Variants in PARD3B observed in about 807,000 individuals in gnomAD.
PARD3B encodes the protein par-3 family cell polarity regulator beta.
A neutral mutation model predicts 130.2 loss-of-function variants in PARD3B; 103 were observed. The observed-to-expected ratio is 0.79, with a 90% CI of 0.67 to 0.93. The LOEUF (loss-of-function observed/expected upper bound fraction) is 0.93. Ranked by LOEUF, PARD3B falls within the 40% of genes least tolerant of loss-of-function variation. The probability of loss-of-function intolerance (pLI) is 0.00; values close to 1 mark genes in which losing one functional copy is unlikely to be tolerated. For synonymous variants in PARD3B, 583 were observed against 553.2 expected (o/e 1.05, Z -0.76); for missense variants, 1,609 against 1,499.2 (o/e 1.07, Z -1.21).
chr2:205,336,141 A>T (rs1216129740), intron 18 of PARD3B, among the ~76,000 whole-genome samples: 1 of 152,182 alleles, frequency 6.6e-6, no homozygotes, highest in Non-Finnish European at 1.5e-5. Flanking sequence ...GGTGTGAGCC[A>T]CCGCATCCAG....
chr2:204,621,255 A>G (rs2034292268), intron 1 of PARD3B, among the ~76,000 whole-genome samples: 1 of 152,228 alleles, frequency 6.6e-6, no homozygotes. Context: ...TAGGACGACA[A>G]AACTTCTAAC....
chr2:205,213,054 A>G (rs2037728797), intron 15 of PARD3B, among the ~76,000 whole-genome samples: 1 of 152,076 alleles, frequency 6.6e-6, no homozygotes, highest in Non-Finnish European at 1.5e-5. Context: ...GGCACATTTA[A>G]CTTTGATGGT....
At chr2:205,605,630 T>C (rs1269021921) in intron 22 of PARD3B, among the ~76,000 whole-genome samples, 2 of 152,078 alleles carry the variant, frequency 1.3e-5, no homozygotes. Flanking sequence ...TCCTGTAGGA[T>C]CTCTGTCCCA....
intron 11 of PARD3B, among the ~76,000 whole-genome samples, chr2:205,169,433 A>T (rs937156603): frequency 6.6e-6 from 1 of 152,186 alleles, no homozygotes; most frequent in Non-Finnish European, 1.5e-5. Flanking sequence ...AAAAATAAAA[A>T]GTTTGTGCTT....
At chr2:205,020,535 G>GA (rs1224598525) in intron 3 of PARD3B, among the ~76,000 whole-genome samples, 4 of 151,922 alleles carry the variant, frequency 2.6e-5, no homozygotes, top group Non-Finnish European at 4.4e-5. Flanking sequence ...CTGGCTTTGG[G>GA]AAAAAATACC....
chr2:205,127,444 T>C (rs1405967626), intron 10 of PARD3B, among the ~76,000 whole-genome samples: 2 of 152,216 alleles, frequency 1.3e-5, no homozygotes. Context: ...AAGGCACATG[T>C]AGGTTCCCAG....
At position 205,183,272 on chromosome 2, in the gene PARD3B, T is replaced by C. The variant is rs1559518505; in HGVS notation, c.1925-2492T>C. Among the ~76,000 whole-genome samples the C allele has an allele frequency of 6.6e-6, 1 of 152,174 alleles. No homozygotes were observed. Among genetic ancestry groups the C allele is most frequent in the Non-Finnish European group, 1.5e-5 (1 of 68,026 alleles). ...TGTTTGCCAGGATCATAGACCTTTA[T>C]TCCGTAGGCAATGTGTGCAGCTGAA... is the stretch of plus-strand genomic sequence containing the variant. On this transcript the variant is annotated intron_variant, in intron 13 of 22. Coordinates refer to ENST00000406610, the MANE Select transcript of PARD3B (RefSeq NM_001302769.2). This position sits in a 1 kb window ranked among gnomAD's most constrained non-coding sequence, Gnocchi z 5.2.
intron 2 of PARD3B, among the ~76,000 whole-genome samples, chr2:204,838,349 A>ATGTG (rs55688873): frequency 0.057 from 7,771 of 135,292 alleles, 287 homozygotes; most frequent in African/African-American, 0.1. Context: ...TACCTGGCTA[A>ATGTG]TGTGTGTGTG....
chr2:204,602,334 A>T (rs2033544854), intron 1 of PARD3B, among the ~76,000 whole-genome samples: 1 of 151,892 alleles, frequency 6.6e-6, no homozygotes, highest in African/African-American at 2.4e-5. Flanking sequence ...ATTTTATTTG[A>T]CCGTCTTTTA....
intron 18 of PARD3B, among the ~76,000 whole-genome samples, chr2:205,399,308 G>GT (rs543864148): frequency 6.6e-5 from 10 of 150,592 alleles, no homozygotes; most frequent in South Asian, 4.2e-4. Context: ...ATCTCCCCAA[G>GT]TTTTTTTTGT....
At chr2:204,655,812 G>A (rs933564743) in intron 1 of PARD3B, among the ~76,000 whole-genome samples, 1 of 152,076 alleles carries the variant, frequency 6.6e-6, no homozygotes, top group East Asian at 1.9e-4. Context: ...CTGCAAGTCC[G>A]TGGGTCAGCT....
At chr2:205,521,306 T>A (rs1048174689) in intron 21 of PARD3B, among the ~76,000 whole-genome samples, 30 of 152,050 alleles carry the variant, frequency 2.0e-4, no homozygotes, top group Non-Finnish European at 5.9e-5. Context: ...TTTTTATGAA[T>A]TTTTTATTTT....
At chr2:204,811,755 A>G (rs908531885) in intron 2 of PARD3B, among the ~76,000 whole-genome samples, 9 of 152,144 alleles carry the variant, frequency 5.9e-5, no homozygotes, top group Non-Finnish European at 1.3e-4. Context: ...GTCAATCTCT[A>G]AAGCTTTAGC....
At chr2:204,843,081 G>A (rs1341627782) in intron 2 of PARD3B, among the ~76,000 whole-genome samples, 2 of 151,994 alleles carry the variant, frequency 1.3e-5, no homozygotes, top group South Asian at 2.1e-4. Context: ...GCTGAGCCCC[G>A]AGGATCTGTA....
chr2:204,650,996 A>G (rs1457201076), intron 1 of PARD3B, among the ~76,000 whole-genome samples: 8 of 152,152 alleles, frequency 5.3e-5, no homozygotes, highest in African/African-American at 1.2e-4. Context: ...GTCCACCTCT[A>G]TGATTCAGTC....
chr2:205,146,142 T>G lies in PARD3B; in HGVS notation c.1435-12580T>G, dbSNP rs1055104047. Among the ~76,000 whole-genome samples, 4 of 152,240 alleles carry G rather than the reference T, an allele frequency of 2.6e-5. No homozygotes were observed. The highest frequency in any genetic ancestry group is 6.5e-5 in the Admixed American group (1 of 15,294). On this transcript the variant is annotated intron_variant, in intron 10 of 22. Coordinates refer to ENST00000406610, the MANE Select transcript of PARD3B (RefSeq NM_001302769.2). This position sits in a 1 kb window ranked among gnomAD's most constrained non-coding sequence, Gnocchi z 4.3. ...TGGATACAGCAGGCACCGTAGCCCA[T>G]GTACTCACTTTAATGAGATGCTCTG...
chr2:205,411,927 C>T (rs1001477647), intron 19 of PARD3B, among the ~76,000 whole-genome samples: 1 of 152,126 alleles, frequency 6.6e-6, no homozygotes, highest in African/African-American at 2.4e-5. Context: ...CTGCCAGCCT[C>T]TCCAAGTCCA....
At chr2:205,150,560 A>G (rs2125694313) in intron 10 of PARD3B, among the ~76,000 whole-genome samples, 1 of 152,288 alleles carries the variant, frequency 6.6e-6, no homozygotes, top group South Asian at 2.1e-4. Context: ...GGCTGTGTTA[A>G]CTACTGTAAT....
chr2:204,908,742 A>G (rs561238117), intron 2 of PARD3B, among the ~76,000 whole-genome samples: 11 of 152,322 alleles, frequency 7.2e-5, no homozygotes, highest in Middle Eastern at 3.4e-3. Context: ...TAGTATCTAA[A>G]AAGAATTGAT....
Sources: gnomAD v4.1 joint callset for allele counts (sites outside exome capture counted in the v4.1 genomes callset) on GRCh38, gnomAD v4.1.1 for gene constraint, Gnocchi (gnomAD v3.1) non-coding constraint, MANE v1.5 for transcripts, NCBI Gene and HGNC (gene_info 2026-07-23, HGNC 2026-07-21) for gene names.